The following FBXL17 variants were observed in gnomAD, a reference collection of about 807,000 sequenced individuals.
The protein encoded by FBXL17 is F-box and leucine rich repeat protein 17.
FBXL17 carries 22 observed loss-of-function variants against 66.2 expected under a neutral mutation model. The ratio of observed to expected loss-of-function variants is 0.33; its 90% CI spans 0.24 to 0.47. The LOEUF is 0.47. FBXL17 is among the 20% of genes least tolerant of loss of function. The pLI is 1.00. For synonymous variants in FBXL17, 474 were observed against 400.5 expected (o/e 1.18, Z -2.19); for missense variants, 878 against 948.2 (o/e 0.93, Z 0.97).
At chr5:107,992,640 T>TG (rs1485233003) in intron 7 of FBXL17, among the ~76,000 whole-genome samples, 1 of 152,160 alleles carries the variant, frequency 6.6e-6, no homozygotes, top group Non-Finnish European at 1.5e-5. Flanking sequence ...ATTTTAAAAA[T>TG]TTTTTTATCA....
At chr5:108,172,715 A>G (rs1752652569) in intron 6 of FBXL17, among the ~76,000 whole-genome samples, 1 of 152,214 alleles carries the variant, frequency 6.6e-6, no homozygotes, top group Non-Finnish European at 1.5e-5. Context: ...CTGTGTTTTA[A>G]GAGCCTTCAA....
intron 4 of FBXL17, among the ~76,000 whole-genome samples, chr5:108,303,950 T>C (rs1334626515): frequency 3.3e-5 from 5 of 151,946 alleles, no homozygotes; most frequent in South Asian, 4.1e-4. Context: ...CTTTTAAGAG[T>C]ATAATGGGTC....
At chr5:108,159,428 T>C (rs554265735) in intron 6 of FBXL17, among the ~76,000 whole-genome samples, 137 of 152,224 alleles carry the variant, frequency 9.0e-4, no homozygotes, top group African/African-American at 3.1e-3. Flanking sequence ...AAGGTGATGG[T>C]ATTGGGAGAT....
chr5:108,335,599 G>A (rs536365107), intron 4 of FBXL17, among the ~76,000 whole-genome samples: 1 of 152,038 alleles, frequency 6.6e-6, no homozygotes, highest in Middle Eastern at 3.4e-3. Context: ...AAGGGGGAAG[G>A]TACCCATGTC....
intron 8 of FBXL17, among the ~76,000 whole-genome samples, chr5:107,872,933 G>A (rs1748505419): frequency 6.6e-6 from 1 of 152,186 alleles, no homozygotes; most frequent in South Asian, 2.1e-4. Context: ...CTGGCAGGAC[G>A]GAGTGGTTAC....
chr5:108,020,543 TATG>T (rs1379421671), intron 7 of FBXL17, among the ~76,000 whole-genome samples: 1 of 151,954 alleles, frequency 6.6e-6, no homozygotes, highest in Non-Finnish European at 1.5e-5. Context: ...ATGCCTTTGA[TATG>T]ATATTACATT....
At chr5:107,879,249 T>C (rs1235892944) in intron 8 of FBXL17, 1 of 985,332 alleles carries the variant, frequency 1.0e-6, no homozygotes. Flanking sequence ...TATGAATGTG[T>C]ACATTTTGGT....
At chr5:107,886,645 A>G (rs1161422131) in intron 7 of FBXL17, among the ~76,000 whole-genome samples, 1 of 152,188 alleles carries the variant, frequency 6.6e-6, no homozygotes, top group Non-Finnish European at 1.5e-5. Context: ...GCCAGTGACC[A>G]AAGCTGGAAC....
chr5:108,004,553 T>C (rs972269416), intron 7 of FBXL17, among the ~76,000 whole-genome samples: 5 of 152,154 alleles, frequency 3.3e-5, no homozygotes, highest in African/African-American at 1.2e-4. Flanking sequence ...GAAAAGTTCC[T>C]GGGCAAAGAG....
chr5:108,129,358 T>G (rs764261459), intron 6 of FBXL17, among the ~76,000 whole-genome samples: 4 of 152,076 alleles, frequency 2.6e-5, no homozygotes, highest in Non-Finnish European at 5.9e-5. Flanking sequence ...GAATGCATCT[T>G]CAAGCAGGGT....
rs558758922 is a variant in FBXL17 at position 108,234,051 on chromosome 5, G to A, written c.1507-9823C>T. 3.9e-5 allele frequency among the ~76,000 whole-genome samples: 6 copies of A among 152,206 alleles called. No individual in the cohort carries two copies. The South Asian group carries it at 1.0e-3, about 26-fold the overall frequency. ...AGAGTTGGGGGACAACAGTAATAGC[G>A]ACTGTGGCAGAAATGGCCATATATA... is the stretch of plus-strand genomic sequence containing the variant. On this transcript the variant is annotated intron_variant, in intron 4 of 8. Transcript: ENST00000542267.
In FBXL17 at chr5:107,860,217, G is replaced by C. The variant is rs1359043489; in HGVS notation, c.*1503C>G. On this transcript the variant is annotated 3_prime_UTR_variant, in exon 9 of 9. Coordinates refer to ENST00000542267, the MANE Select transcript of FBXL17 (RefSeq NM_001163315.3). Reference sequence around the variant, plus strand: ...ACAGCTAATGTCATGTTAGCAATGTGAGACTTAAAGAAAGTGAAACTCAAA... The same window carrying C: ...ACAGCTAATGTCATGTTAGCAATGTCAGACTTAAAGAAAGTGAAACTCAAA... 2.0e-5 allele frequency: 3 copies of C among 152,620 alleles called. No individual in the cohort carries two copies. Among genetic ancestry groups the C allele is most frequent in the Non-Finnish European group, 4.4e-5 (3 of 68,014 alleles). The allele number at this position is 152,620 out of a possible 1,614,324, so 9.5% of individuals were successfully genotyped here.
intron 6 of FBXL17, among the ~76,000 whole-genome samples, chr5:108,162,350 CGTGGTG>C (rs1752247783): frequency 6.6e-6 from 1 of 151,632 alleles, no homozygotes; most frequent in South Asian, 2.1e-4. Flanking sequence ...ATTAGCTAAG[CGTGGTG>C]GTGGTGGTGT....
chr5:108,100,267 T>C (rs1404687932), intron 6 of FBXL17, among the ~76,000 whole-genome samples: 7 of 152,154 alleles, frequency 4.6e-5, no homozygotes, highest in Non-Finnish European at 8.8e-5. Context: ...TATGAAACCA[T>C]CAGTCTGAAC....
chr5:108,007,033 G>A (rs1195559096), intron 7 of FBXL17, among the ~76,000 whole-genome samples: 2 of 152,186 alleles, frequency 1.3e-5, no homozygotes, highest in African/African-American at 4.8e-5. Flanking sequence ...ATTTAGTGCT[G>A]CCAGATTGCA....
At chr5:108,225,586 GA>G (rs1755066736) in intron 4 of FBXL17, among the ~76,000 whole-genome samples, 1 of 152,154 alleles carries the variant, frequency 6.6e-6, no homozygotes, top group Admixed American at 6.5e-5. Flanking sequence ...AAGAGGCCTG[GA>G]ACAGATCCTT....
intron 6 of FBXL17, among the ~76,000 whole-genome samples, chr5:108,091,225 G>T (rs1046510423): frequency 6.6e-6 from 1 of 152,238 alleles, no homozygotes; most frequent in African/African-American, 2.4e-5. Context: ...ATGACATGTT[G>T]CCATGGCTAT....
At chr5:108,162,224 T>G (rs1473672925) in intron 6 of FBXL17, among the ~76,000 whole-genome samples, 1 of 152,112 alleles carries the variant, frequency 6.6e-6, no homozygotes, top group Non-Finnish European at 1.5e-5. Context: ...TGGGGCTGGG[T>G]GCAGTGGCTC....
At chr5:108,328,548 A>T in intron 4 of FBXL17, among the ~76,000 whole-genome samples, 1 of 152,124 alleles carries the variant, frequency 6.6e-6, no homozygotes, top group East Asian at 1.9e-4. Context: ...CTTGTAGAAG[A>T]GAAAATGCAA....
Sources: gnomAD v4.1 joint callset for allele counts (sites outside exome capture counted in the v4.1 genomes callset) on GRCh38, gnomAD v4.1.1 for gene constraint, MANE v1.5 for transcripts, NCBI Gene and HGNC (gene_info 2026-07-23, HGNC 2026-07-21) for gene names.